The following EPHA10 variants were observed in gnomAD, a reference collection of about 807,000 sequenced individuals.
The protein encoded by EPHA10 is EPH receptor A10.
In EPHA10, 120 loss-of-function variants were observed where a neutral mutation model predicts 109.7. The observed-to-expected ratio is 1.09, with a 90% CI of 0.94 to 1.27. The LOEUF (loss-of-function observed/expected upper bound fraction) is 1.27. Ranked by LOEUF, EPHA10 falls within the 50% of genes most tolerant of loss-of-function variation. EPHA10 has a pLI of 0.00. For synonymous variants in EPHA10, 640 were observed against 618.9 expected (o/e 1.03, Z -0.51); for missense variants, 1,396 against 1,411.1 (o/e 0.99, Z 0.17).
Position 37,762,883 on chromosome 1 carries a change from C to A in EPHA10, c.107-34G>T, listed in dbSNP as rs368320796. 3.9e-5 allele frequency: 60 copies of A among 1,537,690 alleles called. 1 individual carries two copies. Among genetic ancestry groups the A allele is most frequent in the Non-Finnish European group, 4.8e-5 (55 of 1,138,324 alleles). ...AGGGGAAGACAGAAATATCAGAAAT[C>A]GAGAAGGTCAGTTTAGCAAGAGAGT... On this transcript the variant is annotated intron_variant, in intron 1 of 16. Coordinates refer to ENST00000373048, the MANE Select transcript of EPHA10 (RefSeq NM_001099439.2).
chr1:37,720,134 T>G lies in EPHA10; in HGVS notation c.2413-76A>C. The G allele has an allele frequency of 2.5e-6, 4 of 1,568,676 alleles. No individual in the cohort carries two copies. In the South Asian group the frequency reaches 4.7e-5, roughly 18 times the overall value. On this transcript the variant is annotated intron_variant, in intron 13 of 16. Coordinates refer to ENST00000373048, the MANE Select transcript of EPHA10 (RefSeq NM_001099439.2). ...TTTCCCCACCCCACTGAGCCCCAGATCCAGCCTGCATGTCATCCTCCCAGG... is the reference window on the plus strand; with the variant it reads ...TTTCCCCACCCCACTGAGCCCCAGAGCCAGCCTGCATGTCATCCTCCCAGG...
intron 8 of EPHA10, among the ~76,000 whole-genome samples, chr1:37,725,506 C>CAAA (rs536628850): frequency 0.02 from 1,094 of 55,860 alleles, 56 homozygotes; most frequent in African/African-American, 0.062. Context: ...GGCTCCATCT[C>CAAA]AAAAAAAAAA....
chr1:37,762,884 GAGA>G (rs776000236), intron 1 of EPHA10, 35 bp from the exon 2 acceptor site: 1,144 of 1,536,054 alleles, frequency 7.4e-4, no homozygotes, highest in Non-Finnish European at 9.4e-4. Flanking sequence ...ATCAGAAATC[GAGA>G]AGGTCAGTTT....
chr1:37,718,886 A>G, intron 15 of EPHA10, 70 bp from the exon 16 acceptor site: 1 of 1,517,984 alleles, frequency 6.6e-7, no homozygotes, highest in East Asian at 2.3e-5. Context: ...TCTCCCGGGG[A>G]GAGGCCAGCT....
In EPHA10 at chr1:37,762,736, T is replaced by C. The variant is rs374410931; in HGVS notation, c.171+49A>G. 8 of 1,506,342 alleles carry C rather than the reference T, an allele frequency of 5.3e-6. No homozygotes were observed. The African/African-American group carries it at 9.8e-5, about 18-fold the overall frequency. 93.3% of individuals were successfully genotyped at this position (1,506,342 alleles called of 1,614,324 possible). On this transcript the variant is annotated intron_variant, in intron 2 of 16. Coordinates refer to ENST00000373048, the MANE Select transcript of EPHA10 (RefSeq NM_001099439.2). ...ATGAGGAGCTGAGGAGACTGTGTCC[T>C]GGACCACCAGAGGATCCCTGGGACA...
chr1:37,742,456 T>C (rs1330517924), intron 5 of EPHA10, among the ~76,000 whole-genome samples: 1 of 152,212 alleles, frequency 6.6e-6, no homozygotes, highest in Admixed American at 6.5e-5. Flanking sequence ...AGTTTCTTGC[T>C]TTTAAAAAGA....
chr1:37,738,610 T>C (rs1310620514), intron 5 of EPHA10, among the ~76,000 whole-genome samples: 1 of 152,146 alleles, frequency 6.6e-6, no homozygotes, highest in Non-Finnish European at 1.5e-5. Context: ...GGAGGTTCCT[T>C]AAAAAATTAT....
At chr1:37,726,970 A>G (rs1309142897) in intron 8 of EPHA10, 132 bp downstream of exon 8, 1 of 606,692 alleles carries the variant, frequency 1.6e-6, no homozygotes, top group Non-Finnish European at 2.7e-6. Context: ...GCATGCCTAC[A>G]TTTGTACAGC....
In EPHA10 at chr1:37,723,115, A is replaced by C. The variant is rs17511304; in HGVS notation, c.1886T>G (p.Leu629Arg). ...GGCGAACAGATGCACAGCCTGCAGC[A>C]GGTCCCCACAGCTCTGGGGGTCCAG... ...TFLDPQSCGD[L>R]LQAVHLFAKE... Residue 629 changes from leucine to arginine, a missense_variant, in exon 10 of 17, where the codon CTG (leucine) becomes CGG (arginine). Leu to Arg is a moderately radical substitution (Grantham distance 102, BLOSUM62 -2). Coordinates refer to ENST00000373048, the MANE Select transcript of EPHA10 (RefSeq NM_001099439.2). The C allele has an allele frequency of 1.2e-6, 2 of 1,614,152 alleles. No homozygotes were observed. Among genetic ancestry groups the C allele is most frequent in the East Asian group, 4.5e-5 (2 of 44,880 alleles).
In EPHA10 at chr1:37,753,032, GC is replaced by G; in HGVS notation, c.1200del (p.Arg401AlafsTer107). Reference protein sequence around the residue: ...EPCGPRVAFLPRQAGLRERAA... With the variant: ...EPCGPRVAFLXRQAGLRERAA... ...GCTCGCTCCCGCAGCCCTGCCTGGC[GC>G]GGTAGGAAGGCCACGCGCGGCCCGC... On this transcript the variant is annotated frameshift_variant, in exon 5 of 17. Coordinates refer to ENST00000373048, the MANE Select transcript of EPHA10 (RefSeq NM_001099439.2). LOFTEE classifies it high-confidence loss of function. 8.1e-7 allele frequency: 1 copy of G among 1,233,426 alleles called. No homozygotes were observed. Among genetic ancestry groups the G allele is most frequent in the Admixed American group, 4.3e-5 (1 of 23,214 alleles). 76.4% of individuals were successfully genotyped at this position (1,233,426 alleles called of 1,614,324 possible). A position where few individuals can be genotyped will look rare whatever the true frequency, so the allele number is the denominator to read the frequency against.
intron 5 of EPHA10, among the ~76,000 whole-genome samples, chr1:37,750,981 A>G (rs1026684373): frequency 5.3e-5 from 8 of 152,134 alleles, no homozygotes; most frequent in Non-Finnish European, 1.2e-4. Context: ...CAAGGAGGAC[A>G]GATCACGAGC....
chr1:37,762,959 G>A, intron 1 of EPHA10, 110 bp from the exon 2 acceptor site: 1 of 1,048,206 alleles, frequency 9.5e-7, no homozygotes, highest in Non-Finnish European at 1.4e-6. Context: ...TGCAATATGT[G>A]ACAAATGATA....
At chr1:37,739,177 AG>A (rs1479461729) in intron 5 of EPHA10, among the ~76,000 whole-genome samples, 1 of 152,204 alleles carries the variant, frequency 6.6e-6, no homozygotes, top group African/African-American at 2.4e-5. Flanking sequence ...AAAAAAGAAA[AG>A]AAAAAAGAAT....
At chr1:37,744,382 C>T (rs930608689) in intron 5 of EPHA10, among the ~76,000 whole-genome samples, 14 of 151,524 alleles carry the variant, frequency 9.2e-5, no homozygotes, top group South Asian at 2.1e-4. Flanking sequence ...TAGCTGGGTG[C>T]GTCAGTGTGT....
At chr1:37,759,450 C>G (rs934227707) in intron 3 of EPHA10, among the ~76,000 whole-genome samples, 1 of 152,202 alleles carries the variant, frequency 6.6e-6, no homozygotes, top group East Asian at 1.9e-4. Flanking sequence ...CTCTGGGAAG[C>G]CTTCTCCATG....
chr1:37,763,109 G>T (rs1020127119), intron 1 of EPHA10, among the ~76,000 whole-genome samples: 1 of 152,140 alleles, frequency 6.6e-6, no homozygotes, highest in Non-Finnish European at 1.5e-5. Context: ...CAAATTTAGT[G>T]GCTTAAAACA....
chr1:37,733,283 G>A (rs1345425121), intron 6 of EPHA10, among the ~76,000 whole-genome samples: 1 of 151,748 alleles, frequency 6.6e-6, no homozygotes, highest in Non-Finnish European at 1.5e-5. Flanking sequence ...GTGCAGTGGT[G>A]CAACCACTGC....
intron 8 of EPHA10, among the ~76,000 whole-genome samples, chr1:37,724,580 GT>G (rs2148317438): frequency 6.6e-6 from 1 of 152,290 alleles, no homozygotes; most frequent in South Asian, 2.1e-4. Context: ...CTGGGGCAGG[GT>G]ATCACAGGGA....
chr1:37,720,246 T>G (rs185899681), intron 13 of EPHA10, 105 bp downstream of exon 13: 4 of 1,416,240 alleles, frequency 2.8e-6, no homozygotes, highest in Non-Finnish European at 3.8e-6. Context: ...CAAGACCAAC[T>G]GGGTGGAGGG....
Sources: allele counts gnomAD v4.1 joint callset (sites outside exome capture counted in the v4.1 genomes callset), GRCh38; gene constraint gnomAD v4.1.1; transcripts MANE v1.5; gene names NCBI Gene and HGNC (gene_info 2026-07-23, HGNC 2026-07-21).